FCGR2A: variants seen among roughly 807,000 people sequenced by gnomAD.
FCGR2A encodes the protein low affinity immunoglobulin gamma Fc region receptor II-a.
A neutral mutation model predicts 29.3 loss-of-function variants in FCGR2A; 18 were observed. The ratio of observed to expected loss-of-function variants is 0.62; its 90% CI spans 0.43 to 0.91. FCGR2A has a LOEUF of 0.91. Ranked by LOEUF, FCGR2A falls within the 40% of genes least tolerant of loss-of-function variation. The pLI is 0.00. For synonymous variants in FCGR2A, 126 were observed against 144.8 expected, an observed-to-expected ratio of 0.87 and a Z score of 0.93; for missense variants, 287 against 393.0, an observed-to-expected ratio of 0.73 and a Z score of 2.28.
At chr1:161,521,711 T>G (rs1233590151), downstream of FCGR2A, among the ~76,000 whole-genome samples, 3 of 151,966 alleles carry the variant, frequency 2.0e-5, no homozygotes, top group Non-Finnish European at 4.4e-5. Flanking sequence ...AAGGGGAGTT[T>G]CCCTGCACAA....
downstream of FCGR2A, among the ~76,000 whole-genome samples, chr1:161,521,244 C>G (rs1255698970): frequency 6.6e-6 from 1 of 151,944 alleles, no homozygotes; most frequent in Non-Finnish European, 1.5e-5. Context: ...AGAATGTGAG[C>G]TCCAGGAGAG....
chr1:161,517,532 A>G (rs1676219515), intron 6 of FCGR2A, among the ~76,000 whole-genome samples: 1 of 152,210 alleles, frequency 6.6e-6, no homozygotes, highest in Admixed American at 6.5e-5. Flanking sequence ...CTGGTTGGTT[A>G]ACATCAGGTT....
chr1:161,508,962 A>C (rs904802602), intron 3 of FCGR2A, among the ~76,000 whole-genome samples: 2 of 152,196 alleles, frequency 1.3e-5, no homozygotes, highest in Non-Finnish European at 2.9e-5. Flanking sequence ...TGCAGGGTAC[A>C]GTATGGTCTG....
Position 161,518,749 on chromosome 1 carries a change from G to C in FCGR2A, c.*601G>C, listed in dbSNP as rs6427601. ...CTCAGCCTCCCAGTAGCTGGGATTA[G>C]AGGCATGTGCCATCATACCCAGCTA... On this transcript the variant is annotated 3_prime_UTR_variant, in exon 7 of 7. Coordinates refer to ENST00000271450, the MANE Select transcript of FCGR2A (RefSeq NM_001136219.3). The C allele has an allele frequency of 0.043, 3,818 of 88,430 alleles. 1 individual carries two copies. The highest frequency in any genetic ancestry group is 0.13 in the Middle Eastern group (20 of 150). 5.5% of individuals were successfully genotyped at this position (88,430 alleles called of 1,614,324 possible).
intron 5 of FCGR2A, among the ~76,000 whole-genome samples, chr1:161,511,937 C>T (rs1438965946): frequency 2.0e-5 from 3 of 152,252 alleles, no homozygotes; most frequent in Middle Eastern, 3.4e-3. Flanking sequence ...GAGGGAGCAG[C>T]GATGGGGGGA....
At chr1:161,517,683 C>G (rs1342781658) in intron 6 of FCGR2A, among the ~76,000 whole-genome samples, 1 of 152,072 alleles carries the variant, frequency 6.6e-6, no homozygotes, top group African/African-American at 2.4e-5. Context: ...GAAACTTTAT[C>G]ATGGGTGATT....
At chr1:161,512,473 C>A (rs1425237941) in intron 5 of FCGR2A, among the ~76,000 whole-genome samples, 1 of 149,118 alleles carries the variant, frequency 6.7e-6, no homozygotes, top group East Asian at 1.9e-4. Context: ...CTGAGCAAGT[C>A]AGTCTCCCTG....
rs12723638 is a variant in FCGR2A at position 161,512,967 on chromosome 1, G to T, written c.743-928G>T. ...ACGAGGCACTTTTGCAGCCAGGCAT[G>T]GGGGCTGCATAAATGGTTTTTTAAA... On this transcript the variant is annotated intron_variant, in intron 5 of 6. Coordinates refer to ENST00000271450, the MANE Select transcript of FCGR2A (RefSeq NM_001136219.3). 3.4e-3 allele frequency among the ~76,000 whole-genome samples: 520 copies of T among 151,794 alleles called. 1 individual carries two copies. The highest frequency in any genetic ancestry group is 6.4e-3 in the Non-Finnish European group (432 of 67,794).
At chr1:161,521,856 G>A (rs1676464730), downstream of FCGR2A, among the ~76,000 whole-genome samples, 1 of 152,056 alleles carries the variant, frequency 6.6e-6, no homozygotes, top group Non-Finnish European at 1.5e-5. Flanking sequence ...TCTCAGGTAT[G>A]TCTTTATTAG....
At chr1:161,511,273 T>C (rs1280621433) in intron 5 of FCGR2A, among the ~76,000 whole-genome samples, 6 of 151,980 alleles carry the variant, frequency 3.9e-5, no homozygotes, top group East Asian at 3.9e-4. Flanking sequence ...GAAGGAGGAC[T>C]CTCCAGGCAC....
At chr1:161,507,474 ATTG>A (rs1338129169) in intron 3 of FCGR2A, among the ~76,000 whole-genome samples, 1 of 152,150 alleles carries the variant, frequency 6.6e-6, no homozygotes, top group Non-Finnish European at 1.5e-5. Flanking sequence ...GCACATTTCT[ATTG>A]TTGTTTACTT....
intron 6 of FCGR2A, among the ~76,000 whole-genome samples, chr1:161,515,493 G>A (rs1676092950): frequency 6.6e-6 from 1 of 152,004 alleles, no homozygotes; most frequent in South Asian, 2.1e-4. Context: ...ATTTAATCCA[G>A]TCTCAATAAG....
downstream of FCGR2A, chr1:161,523,894 A>G (rs1174381453): frequency 6.6e-6 from 1 of 152,086 alleles, no homozygotes; most frequent in Non-Finnish European, 1.5e-5. Context: ...GCAGGCGAGA[A>G]TTCTACCACT....
intron 3 of FCGR2A, among the ~76,000 whole-genome samples, chr1:161,508,681 A>C (rs1405419186): frequency 2.6e-5 from 4 of 152,040 alleles, no homozygotes; most frequent in Admixed American, 1.3e-4. Flanking sequence ...TGATACAGCA[A>C]TTTGATTTTC....
downstream of FCGR2A, among the ~76,000 whole-genome samples, chr1:161,520,365 A>G (rs1415991187): frequency 2.0e-5 from 3 of 152,040 alleles, no homozygotes; most frequent in Admixed American, 2.0e-4. Flanking sequence ...GGTGCCAGAC[A>G]CTTATAAAAC....
chr1:161,506,527 G>T lies in FCGR2A; in HGVS notation c.300G>T (p.Gly100=). ...TCAAGGCCAACAACAATGACAGCGG[G>T]GAGTACACGTGCCAGACTGGCCAGA... is the stretch of plus-strand genomic sequence containing the variant. ...YRFKANNNDS[G]EYTCQTGQTS... is the part of the protein sequence containing the mutation. The change falls in exon 3 of 7, where the codon GGG becomes GGT. Residue 100 remains glycine (G), a synonymous_variant. Transcript: ENST00000271450. 1 of 1,614,210 alleles carries T rather than the reference G, an allele frequency of 6.2e-7. No individual in the cohort carries two copies.
chr1:161,506,360 CTT>C lies in FCGR2A; in HGVS notation c.134_135del (p.Leu45ArgfsTer24). 6.2e-7 allele frequency: 1 copy of C among 1,614,238 alleles called. No homozygotes were observed. The highest frequency in any genetic ancestry group is 2.2e-5 in the East Asian group (1 of 44,884). ...AGCTCCCCCAAAGGCTGTGCTGAAA[CTT>C]GAGCCCCCGTGGATCAACGTGCTCC... Reference protein sequence around the residue: ...AAAPPKAVLKLEPPWINVLQE... With the variant: ...AAAPPKAVLKXEPPWINVLQE... On this transcript the variant is annotated frameshift_variant, in exon 3 of 7. Coordinates refer to ENST00000271450, the MANE Select transcript of FCGR2A (RefSeq NM_001136219.3). LOFTEE classifies it high-confidence loss of function.
chr1:161,510,780 C>A, intron 4 of FCGR2A, 54 bp from the exon 5 acceptor site: 1 of 1,606,024 alleles, frequency 6.2e-7, no homozygotes. Context: ...AGAATACAAA[C>A]GTTGTCATTA....
Position 161,506,448 on chromosome 1 carries a change from A to C in FCGR2A, c.221A>C (p.Gln74Pro), listed in dbSNP as rs773080023. 8.1e-6 allele frequency: 13 copies of C among 1,614,072 alleles called. No individual in the cohort carries two copies. The highest frequency in any genetic ancestry group is 2.7e-5 in the African/African-American group (2 of 74,926). Residue 74 changes from glutamine (Q) to proline (P), a missense_variant, in exon 3 of 7, where the codon CAG becomes CCG. By Grantham distance (76) the Gln-to-Pro change is moderately conservative. Around this residue, in one of 3 missense-constraint regions of FCGR2A, gnomAD observed 181 missense variants for 250.9 expected, o/e 0.72. Coordinates refer to ENST00000271450, the MANE Select transcript of FCGR2A (RefSeq NM_001136219.3). ...CGCAGCCCTGAGAGCGACTCCATTC[A>C]GTGGTTCCACAATGGGAATCTCATT... ...GARSPESDSI[Q>P]WFHNGNLIPT...
Sources: gnomAD v4.1 joint callset for allele counts (sites outside exome capture counted in the v4.1 genomes callset) on GRCh38, gnomAD v4.1.1 for gene constraint, gnomAD v4.1.1 regional missense constraint, MANE v1.5 for transcripts, NCBI Gene and HGNC (gene_info 2026-07-23, HGNC 2026-07-21) for gene names.